Variants in GRIN2B observed in about 807,000 individuals in gnomAD.
GRIN2B encodes the protein glutamate receptor ionotropic, NMDA 2B.
GRIN2B carries 5 observed loss-of-function variants against 114.5 expected under a neutral mutation model. The ratio of observed to expected loss-of-function variants is 0.04; its 90% CI spans 0.02 to 0.09. The LOEUF (loss-of-function observed/expected upper bound fraction) is 0.09, where lower values mean the gene tolerates loss of function less well. Ranked by LOEUF, GRIN2B falls within the 10% of genes least tolerant of loss-of-function variation. The pLI is 1.00. For missense variants in GRIN2B, 1,108 were observed against 1,943.5 expected, an observed-to-expected ratio of 0.57 and a Z score of 8.08; for synonymous variants, 787 against 745.1, an observed-to-expected ratio of 1.06 and a Z score of -0.92.
At chr12:13,815,280 C>A (rs1212621475) in intron 3 of GRIN2B, among the ~76,000 whole-genome samples, 1 of 151,476 alleles carries the variant, frequency 6.6e-6, no homozygotes, top group Non-Finnish European at 1.5e-5. Flanking sequence ...CAGATGAATT[C>A]AATGTATTGG....
At chr12:13,576,825 T>C (rs1286519280) in intron 10 of GRIN2B, among the ~76,000 whole-genome samples, 1 of 152,206 alleles carries the variant, frequency 6.6e-6, no homozygotes, top group African/African-American at 2.4e-5. Context: ...GGTGCTAGGG[T>C]TACAGGCGAG....
intron 4 of GRIN2B, among the ~76,000 whole-genome samples, chr12:13,750,793 C>A (rs1380674396): frequency 6.6e-6 from 1 of 152,094 alleles, no homozygotes; most frequent in East Asian, 1.9e-4. Context: ...ATGCACTGTG[C>A]AGGAAATGGG....
intron 4 of GRIN2B, among the ~76,000 whole-genome samples, chr12:13,728,911 T>C (rs1173999661): frequency 2.0e-5 from 3 of 152,214 alleles, no homozygotes; most frequent in Non-Finnish European, 4.4e-5. Context: ...ACAGAACTAA[T>C]ATTCACTTAT....
intron 3 of GRIN2B, among the ~76,000 whole-genome samples, chr12:13,767,975 C>T (rs1424633959): frequency 6.6e-6 from 1 of 152,162 alleles, no homozygotes; most frequent in Non-Finnish European, 1.5e-5. Context: ...GGAGAATAAC[C>T]TCAGATTCCC....
At chr12:13,656,472 A>AT (rs2136522219) in intron 5 of GRIN2B, among the ~76,000 whole-genome samples, 2 of 152,334 alleles carry the variant, frequency 1.3e-5, no homozygotes, top group South Asian at 4.1e-4. Context: ...GGAGACACAA[A>AT]TAAGTCAACT....
chr12:13,783,938 T>A (rs1864169367), intron 3 of GRIN2B, among the ~76,000 whole-genome samples: 1 of 151,750 alleles, frequency 6.6e-6, no homozygotes, highest in African/African-American at 2.4e-5. Flanking sequence ...AAAAAACATA[T>A]CCCGGCCGGG....
chr12:13,764,755 C>G (rs1038447068), intron 3 of GRIN2B, among the ~76,000 whole-genome samples: 1 of 152,256 alleles, frequency 6.6e-6, no homozygotes, highest in African/African-American at 2.4e-5. Flanking sequence ...CACCCGGATA[C>G]TTTTCCTCTG....
intron 3 of GRIN2B, among the ~76,000 whole-genome samples, chr12:13,830,780 T>A (rs968105920): frequency 6.6e-6 from 1 of 152,212 alleles, no homozygotes; most frequent in African/African-American, 2.4e-5. Context: ...CCTTAAAGAA[T>A]CTTTTTTCTG....
intron 3 of GRIN2B, among the ~76,000 whole-genome samples, chr12:13,809,866 T>A (rs145225140): frequency 1.3e-5 from 2 of 152,216 alleles, no homozygotes; most frequent in Non-Finnish European, 2.9e-5. Flanking sequence ...AATTTTTTTC[T>A]ACACACTTAG....
intron 2 of GRIN2B, among the ~76,000 whole-genome samples, chr12:13,925,232 G>A (rs1866893388): frequency 6.6e-6 from 1 of 152,132 alleles, no homozygotes; most frequent in Non-Finnish European, 1.5e-5. Context: ...TTGACTATAG[G>A]CAAAGTCCAA....
intron 9 of GRIN2B, among the ~76,000 whole-genome samples, chr12:13,610,868 T>G (rs1000498519): frequency 6.6e-6 from 1 of 152,234 alleles, no homozygotes; most frequent in African/African-American, 2.4e-5. Flanking sequence ...GTCTTTTAGA[T>G]GCCCCATAGA....
At chr12:13,959,715 TTGAA>T (rs1355493998) in intron 2 of GRIN2B, among the ~76,000 whole-genome samples, 6 of 151,378 alleles carry the variant, frequency 4.0e-5, no homozygotes, top group African/African-American at 1.5e-4. Context: ...GAGATGCTGA[TTGAA>T]TGAAGGGAGA....
intron 2 of GRIN2B, among the ~76,000 whole-genome samples, chr12:13,875,779 C>T (rs1381433931): frequency 1.3e-5 from 2 of 152,168 alleles, no homozygotes; most frequent in Admixed American, 6.5e-5. Flanking sequence ...ACTGCAAGTC[C>T]TTTATCTGCA....
intron 2 of GRIN2B, among the ~76,000 whole-genome samples, chr12:13,871,282 TA>T (rs535927856): frequency 1.8e-4 from 27 of 151,918 alleles, no homozygotes; most frequent in Admixed American, 6.6e-4. Flanking sequence ...ATCAATAGAT[TA>T]AAAAAATCAA....
At chr12:13,783,835 G>A (rs2136657680) in intron 3 of GRIN2B, among the ~76,000 whole-genome samples, 1 of 152,210 alleles carries the variant, frequency 6.6e-6, no homozygotes, top group South Asian at 2.1e-4. Flanking sequence ...GATTAGCTGA[G>A]GAACTAGAAG....
At chr12:13,760,139 C>T (rs1021232625) in intron 3 of GRIN2B, among the ~76,000 whole-genome samples, 1 of 152,114 alleles carries the variant, frequency 6.6e-6, no homozygotes, top group East Asian at 1.9e-4. Flanking sequence ...TTTCTTTTTC[C>T]CATAGCATCT....
At chr12:13,718,357 G>A (rs568862171) in intron 4 of GRIN2B, among the ~76,000 whole-genome samples, 2 of 152,094 alleles carry the variant, frequency 1.3e-5, no homozygotes, top group African/African-American at 4.8e-5. Context: ...TTAACCAGGA[G>A]TATTTAAGGA....
chr12:13,980,371 G>T lies in GRIN2B; in HGVS notation c.-447-15C>A, dbSNP rs1267539897. The T allele has an allele frequency of 6.6e-6, 1 of 152,192 alleles. No homozygotes were observed. Among genetic ancestry groups the T allele is most frequent in the African/African-American group, 2.4e-5 (1 of 41,428 alleles). 9.4% of individuals were successfully genotyped at this position (152,192 alleles called of 1,614,324 possible). A position where few individuals can be genotyped will look rare whatever the true frequency, so the allele number is the denominator to read the frequency against. On this transcript the variant is annotated splice_polypyrimidine_tract_variant and intron_variant, in intron 1 of 13. Transcript: ENST00000609686. ...GCGTCCCCTTCCTAAGGGGGAAAAA[G>T]AGGCGGTCAGGGCTTGATTCGCGTG...
At chr12:13,949,423 C>T (rs1867433938) in intron 2 of GRIN2B, among the ~76,000 whole-genome samples, 1 of 152,142 alleles carries the variant, frequency 6.6e-6, no homozygotes, top group South Asian at 2.1e-4. Context: ...TCCAGGGTTG[C>T]TACAGGTTTC....
Sources: allele counts gnomAD v4.1 joint callset (sites outside exome capture counted in the v4.1 genomes callset), GRCh38; gene constraint gnomAD v4.1.1; transcripts MANE v1.5; gene names NCBI Gene and HGNC (gene_info 2026-07-23, HGNC 2026-07-21).